Variants in TEKT5 observed in about 807,000 individuals in gnomAD.
TEKT5 encodes the protein tektin-5.
Under a neutral mutation model 48.7 loss-of-function variants are expected in TEKT5, and 52 were observed. The observed-to-expected ratio is 1.07, with a 90% confidence interval of 0.86 to 1.35. The LOEUF (loss-of-function observed/expected upper bound fraction) is 1.35, where lower values mean the gene tolerates loss of function less well. TEKT5 is among the 40% of genes most tolerant of loss of function. The probability of loss-of-function intolerance (pLI) is 0.00; values close to 1 mark genes in which losing one functional copy is unlikely to be tolerated. For synonymous variants in TEKT5, 318 were observed against 267.6 expected (o/e 1.19, Z -1.84); for missense variants, 831 against 641.6 (o/e 1.30, Z -3.19).
chr16:10,666,783 G>A (rs978548687), intron 5 of TEKT5, among the ~76,000 whole-genome samples: 1 of 152,142 alleles, frequency 6.6e-6, no homozygotes, highest in African/African-American at 2.4e-5. Context: ...CTTGCAACCT[G>A]GTCATCCCTC....
At chr16:10,663,012 G>A (rs753936891) in intron 5 of TEKT5, among the ~76,000 whole-genome samples, 2 of 152,140 alleles carry the variant, frequency 1.3e-5, no homozygotes, top group Non-Finnish European at 2.9e-5. Flanking sequence ...CTGCAGAGGA[G>A]AAGCCGGAAG....
At position 10,675,967 on chromosome 16, in the gene TEKT5, G is replaced by C. The variant is rs1466545018; in HGVS notation, c.1078C>G (p.Leu360Val). The C allele has an allele frequency of 3.7e-6, 6 of 1,614,066 alleles. No homozygotes were observed. The highest frequency in any genetic ancestry group is 1.3e-5 in the African/African-American group (1 of 74,952). ...TGGGAGGATCTGCTCACCTTCGCCAGCTGCGTCTGCAGCTTATTCTTCACA... is the reference window on the plus strand; with the variant it reads ...TGGGAGGATCTGCTCACCTTCGCCACCTGCGTCTGCAGCTTATTCTTCACA... ...TDVKNKLQTQLAKTLQEIFQA... is the reference protein window; with the variant it reads ...TDVKNKLQTQVAKTLQEIFQA... The change falls in exon 5 of 7, where the codon CTG becomes GTG. Residue 360 changes from leucine (L) to valine (V), a missense_variant. Coordinates refer to ENST00000283025, the MANE Select transcript of TEKT5 (RefSeq NM_144674.2).
At chr16:10,689,455 G>C in intron 2 of TEKT5, 132 bp from the exon 3 acceptor site, 1 of 767,058 alleles carries the variant, frequency 1.3e-6, no homozygotes, top group South Asian at 1.7e-5. Context: ...ATGTCAGCGT[G>C]GGGCCCCGCC....
At chr16:10,692,065 C>A (rs575916086) in intron 1 of TEKT5, among the ~76,000 whole-genome samples, 1 of 151,914 alleles carries the variant, frequency 6.6e-6, no homozygotes, top group African/African-American at 2.4e-5. Context: ...GCTTACATTG[C>A]GCAGGGAGAG....
intron 4 of TEKT5, among the ~76,000 whole-genome samples, chr16:10,677,178 A>G (rs1315864960): frequency 1.3e-5 from 2 of 152,164 alleles, no homozygotes; most frequent in Non-Finnish European, 2.9e-5. Flanking sequence ...GCAACACAAC[A>G]AGACCCTGTC....
At chr16:10,652,202 G>A (rs1461436619) in intron 5 of TEKT5, among the ~76,000 whole-genome samples, 1 of 152,052 alleles carries the variant, frequency 6.6e-6, no homozygotes, top group Non-Finnish European at 1.5e-5. Flanking sequence ...AGCAAGTATG[G>A]AACCCCTTCA....
chr16:10,665,832 T>C (rs1440053158), intron 5 of TEKT5, among the ~76,000 whole-genome samples: 1 of 152,196 alleles, frequency 6.6e-6, no homozygotes, highest in Non-Finnish European at 1.5e-5. Context: ...TACCTATGCA[T>C]GCATATGGCC....
chr16:10,658,425 C>T (rs1898300797), intron 5 of TEKT5, among the ~76,000 whole-genome samples: 1 of 152,212 alleles, frequency 6.6e-6, no homozygotes, highest in South Asian at 2.1e-4. Context: ...CAACTTCTAA[C>T]ACACACATAC....
intron 6 of TEKT5, among the ~76,000 whole-genome samples, chr16:10,631,978 G>A (rs1476944139): frequency 1.3e-5 from 2 of 152,182 alleles, no homozygotes; most frequent in Admixed American, 1.3e-4. Flanking sequence ...TGTGATGGTG[G>A]CTTGGTTGTG....
chr16:10,635,650 T>C, intron 6 of TEKT5, 114 bp downstream of exon 6: 1 of 1,466,480 alleles, frequency 6.8e-7, no homozygotes, highest in Non-Finnish European at 9.2e-7. Flanking sequence ...GATGTCCTGA[T>C]TGAAGGAGGG....
intron 4 of TEKT5, among the ~76,000 whole-genome samples, chr16:10,679,079 T>C (rs766234437): frequency 5.3e-5 from 8 of 152,180 alleles, no homozygotes; most frequent in Non-Finnish European, 7.3e-5. Flanking sequence ...AGTTTCCTCA[T>C]TGTAAAATGG....
intron 5 of TEKT5, among the ~76,000 whole-genome samples, chr16:10,674,454 C>G (rs8059727): frequency 0.11 from 16,540 of 151,484 alleles, 2,328 homozygotes; most frequent in African/African-American, 0.32. Flanking sequence ...AGCAACATAG[C>G]GAAACCCTGT....
chr16:10,659,370 CTTAT>C (rs879415737), intron 5 of TEKT5, among the ~76,000 whole-genome samples: 31 of 151,918 alleles, frequency 2.0e-4, no homozygotes, highest in African/African-American at 6.5e-4. Context: ...TGTGTTATAC[CTTAT>C]TTATTTATTT....
At chr16:10,666,588 G>A (rs915654133) in intron 5 of TEKT5, among the ~76,000 whole-genome samples, 1 of 152,178 alleles carries the variant, frequency 6.6e-6, no homozygotes, top group Non-Finnish European at 1.5e-5. Context: ...CTACAGTGAA[G>A]AATTACTCAG....
chr16:10,640,127 C>CGTCCTCCTCCCCCT (rs1897973891), intron 5 of TEKT5, among the ~76,000 whole-genome samples: 2 of 131,284 alleles, frequency 1.5e-5, no homozygotes, highest in East Asian at 2.5e-4. Flanking sequence ...CTCCTCCCCC[C>CGTCCTCCTCCCCCT]TTCCTCCTCC....
chr16:10,678,484 G>C (rs1034380993), intron 4 of TEKT5, among the ~76,000 whole-genome samples: 3 of 152,134 alleles, frequency 2.0e-5, no homozygotes, highest in African/African-American at 4.8e-5. Context: ...GTTTTGCTTG[G>C]CTTTTGCAGG....
chr16:10,636,211 C>T (rs1045796862), intron 5 of TEKT5, among the ~76,000 whole-genome samples: 1 of 152,068 alleles, frequency 6.6e-6, no homozygotes, highest in African/African-American at 2.4e-5. Context: ...CCCGTCTCTA[C>T]TAAAAAAACA....
intron 5 of TEKT5, among the ~76,000 whole-genome samples, chr16:10,648,459 G>C (rs1384538123): frequency 1.3e-5 from 2 of 151,962 alleles, no homozygotes; most frequent in African/African-American, 2.4e-5. Flanking sequence ...CTGGGACACA[G>C]GCATGTGCTA....
chr16:10,666,175 C>T (rs1385666093), intron 5 of TEKT5, among the ~76,000 whole-genome samples: 1 of 152,184 alleles, frequency 6.6e-6, no homozygotes, highest in African/African-American at 2.4e-5. Flanking sequence ...GGAGTAGGCA[C>T]AGTCCAGGTT....
Sources: gnomAD v4.1 joint callset for allele counts (sites outside exome capture counted in the v4.1 genomes callset) on GRCh38, gnomAD v4.1.1 for gene constraint, MANE v1.5 for transcripts, NCBI Gene and HGNC (gene_info 2026-07-23, HGNC 2026-07-21) for gene names.